The following HGSNAT variants were observed in gnomAD, a reference collection of about 807,000 sequenced individuals.
The protein encoded by HGSNAT is transmembrane protein 76.
HGSNAT carries 59 observed loss-of-function variants against 85.2 expected under a neutral mutation model. The observed-to-expected ratio is 0.69, with a 90% CI of 0.56 to 0.86. The LOEUF is 0.86. Among genes scored for constraint, HGSNAT ranks in the 40% least tolerant of loss-of-function variants. The pLI is 0.00. For missense variants in HGSNAT, 756 were observed against 777.1 expected, an observed-to-expected ratio of 0.97 and a Z score of 0.32; for synonymous variants, 321 against 304.5, an observed-to-expected ratio of 1.05 and a Z score of -0.56.
At chr8:43,182,915 A>G (rs528735964) in intron 11 of HGSNAT, among the ~76,000 whole-genome samples, 6 of 152,326 alleles carry the variant, frequency 3.9e-5, no homozygotes, top group African/African-American at 9.6e-5. Flanking sequence ...AATACACGAC[A>G]TGAGATCTAT....
At chr8:43,151,690 A>C (rs1199972237) in intron 2 of HGSNAT, among the ~76,000 whole-genome samples, 1 of 152,200 alleles carries the variant, frequency 6.6e-6, no homozygotes, top group African/African-American at 2.4e-5. Flanking sequence ...TTTCGTTGAA[A>C]ATCTTTAGAT....
intron 14 of HGSNAT, among the ~76,000 whole-genome samples, chr8:43,195,521 A>AG (rs1665741086): frequency 8.2e-6 from 1 of 121,840 alleles, no homozygotes; most frequent in African/African-American, 3.0e-5. Context: ...AGGAGGAAGA[A>AG]GAGGAGGAAG....
intron 9 of HGSNAT, among the ~76,000 whole-genome samples, chr8:43,177,489 C>T (rs914392172): frequency 1.4e-5 from 2 of 138,234 alleles, no homozygotes; most frequent in South Asian, 2.3e-4. Flanking sequence ...ACCCAGGAGG[C>T]GGAGCTTGCA....
intron 1 of HGSNAT, among the ~76,000 whole-genome samples, chr8:43,145,404 G>T (rs1802680819): frequency 6.6e-6 from 1 of 152,148 alleles, no homozygotes; most frequent in Non-Finnish European, 1.5e-5. Flanking sequence ...GTTTTATACT[G>T]CAGGGCTTGT....
chr8:43,147,265 AC>A (rs1802749786), intron 2 of HGSNAT, among the ~76,000 whole-genome samples: 1 of 152,052 alleles, frequency 6.6e-6, no homozygotes, highest in Admixed American at 6.6e-5. Flanking sequence ...CTTTTCATCT[AC>A]TCATCCTTTA....
At chr8:43,160,267 G>T (rs146004630) in intron 4 of HGSNAT, among the ~76,000 whole-genome samples, 1 of 152,186 alleles carries the variant, frequency 6.6e-6, no homozygotes, top group Non-Finnish European at 1.5e-5. Flanking sequence ...GGAAAATTCT[G>T]TGGAGAAGAA....
intron 11 of HGSNAT, among the ~76,000 whole-genome samples, chr8:43,188,315 C>T (rs1399258292): frequency 6.6e-6 from 1 of 152,224 alleles, no homozygotes; most frequent in African/African-American, 2.4e-5. Context: ...CACATAGTCC[C>T]ATATTTCTTG....
intron 8 of HGSNAT, among the ~76,000 whole-genome samples, chr8:43,173,488 T>G (rs1479979308): frequency 6.6e-6 from 1 of 152,070 alleles, no homozygotes; most frequent in Admixed American, 6.6e-5. Flanking sequence ...TTTTGTATTT[T>G]TAGTAGAGAC....
At chr8:43,142,000 A>G (rs1305168188) in intron 1 of HGSNAT, among the ~76,000 whole-genome samples, 2 of 152,150 alleles carry the variant, frequency 1.3e-5, no homozygotes, top group African/African-American at 4.8e-5. Context: ...CCTGGAGCCC[A>G]TGTTTGGGCC....
At chr8:43,167,240 G>A (rs34041391) in intron 5 of HGSNAT, among the ~76,000 whole-genome samples, 10,193 of 152,274 alleles carry the variant, frequency 0.067, 518 homozygotes, top group Middle Eastern at 0.15. Context: ...AGTTTGAGAC[G>A]ATTGACTCTA....
chr8:43,188,714 G>A (rs1408790440), intron 11 of HGSNAT, among the ~76,000 whole-genome samples: 1 of 152,200 alleles, frequency 6.6e-6, no homozygotes, highest in East Asian at 1.9e-4. Flanking sequence ...TCCTTTGGAG[G>A]AGAAGAGGCG....
At chr8:43,199,305 G>A (rs1804840158) in intron 17 of HGSNAT, 83 bp from the exon 18 acceptor site, 3 of 1,003,456 alleles carry the variant, frequency 3.0e-6, no homozygotes, top group Non-Finnish European at 4.4e-6. Context: ...TTTTTTCATT[G>A]AACTGGTTTC....
intron 9 of HGSNAT, among the ~76,000 whole-genome samples, chr8:43,174,498 C>A (rs1803742734): frequency 6.6e-6 from 1 of 152,116 alleles, no homozygotes; most frequent in African/African-American, 2.4e-5. Context: ...TCATTCATAG[C>A]TTCTTATTCT....
intron 14 of HGSNAT, among the ~76,000 whole-genome samples, chr8:43,195,571 AGG>A (rs1371059088): frequency 7.7e-6 from 1 of 130,518 alleles, no homozygotes; most frequent in South Asian, 2.9e-4. Context: ...GAGGAGGAAG[AGG>A]GGGTGGAGGA....
rs546909690 is a variant in HGSNAT at position 43,191,968 on chromosome 8, G to A, written c.1251-336G>A. Among the ~76,000 whole-genome samples, 411 of 151,750 alleles carry A rather than the reference G, an allele frequency of 2.7e-3. 3 individuals carry two copies. Among genetic ancestry groups the A allele is most frequent in the African/African-American group, 9.3e-3 (386 of 41,376 alleles). On this transcript the variant is annotated intron_variant, in intron 12 of 17. Coordinates refer to ENST00000379644, the MANE Select transcript of HGSNAT (RefSeq NM_152419.3). ...TTTGGAGATGGAATCTTGCTCTGTC[G>A]CCCAGGCAGGAGTGCAGTGGCATGA...
Position 43,161,469 on chromosome 8 carries a change from T to C in HGSNAT, c.525T>C (p.Ala175=). 2 of 1,612,348 alleles carry C rather than the reference T, an allele frequency of 1.2e-6. No homozygotes were observed. Among genetic ancestry groups the C allele is most frequent in the Non-Finnish European group, 1.7e-6 (2 of 1,179,074 alleles). ...GCATTGCATTCCTTATTGGTCTTGC[T>C]GTCATCATTGTGATATCCTTTCTGA... ...PVSIAFLIGL[A]VIIVISFLRL... Residue 175 remains alanine, a synonymous_variant, in exon 5 of 18, where the codon GCT becomes GCC. Transcript: ENST00000379644.
chr8:43,194,752 C>T (rs999645594), intron 14 of HGSNAT, among the ~76,000 whole-genome samples: 4 of 152,182 alleles, frequency 2.6e-5, no homozygotes, highest in Non-Finnish European at 5.9e-5. Context: ...GAGGGTGGAG[C>T]CCTCACGCTG....
intron 2 of HGSNAT, 29 bp from the exon 3 acceptor site, chr8:43,158,546 C>T (rs748683915): frequency 1.1e-5 from 18 of 1,613,054 alleles, no homozygotes; most frequent in Middle Eastern, 1.7e-4. Flanking sequence ...AAACCTCTGG[C>T]GGTTGACCTG....
chr8:43,175,426 G>T (rs1803774417), intron 9 of HGSNAT, among the ~76,000 whole-genome samples: 1 of 152,034 alleles, frequency 6.6e-6, no homozygotes, highest in Non-Finnish European at 1.5e-5. Flanking sequence ...TTTAACTGGG[G>T]TAAGATGATA....
Sources: allele counts gnomAD v4.1 joint callset (sites outside exome capture counted in the v4.1 genomes callset), GRCh38; gene constraint gnomAD v4.1.1; transcripts MANE v1.5; gene names NCBI Gene and HGNC (gene_info 2026-07-23, HGNC 2026-07-21).